Variants in KAZN observed in about 807,000 individuals in gnomAD.
The protein encoded by KAZN is kazrin, periplakin interacting protein.
In KAZN, 40 loss-of-function variants were observed where a neutral mutation model predicts 87.4. The observed-to-expected ratio is 0.46, with a 90% CI of 0.36 to 0.60. The LOEUF (loss-of-function observed/expected upper bound fraction) is 0.60. KAZN is among the 20% of genes least tolerant of loss of function. The pLI, the probability that KAZN is intolerant of heterozygous loss-of-function variation, is 0.00. For missense variants in KAZN, 898 were observed against 1,073.9 expected (o/e 0.84, Z 2.29); for synonymous variants, 466 against 458.3 (o/e 1.02, Z -0.22).
chr1:15,101,824 C>T (rs1641081952), intron 11 of KAZN, 50 bp downstream of exon 11: 1 of 1,245,852 alleles, frequency 8.0e-7, no homozygotes, highest in Non-Finnish European at 1.1e-6. Flanking sequence ...CCACCCCTCC[C>T]CTCTTGGCAT....
chr1:14,677,559 T>C (rs1640300555), intron 1 of KAZN, among the ~76,000 whole-genome samples: 1 of 152,022 alleles, frequency 6.6e-6, no homozygotes, highest in African/African-American at 2.4e-5. Context: ...AGGGGCCCAT[T>C]TTCAGACCTT....
At chr1:14,264,672 G>A (rs1012951448) in intron 2 of KAZN, among the ~76,000 whole-genome samples, 17 of 152,262 alleles carry the variant, frequency 1.1e-4, no homozygotes, top group Admixed American at 1.1e-3. Context: ...CTTCAGCACT[G>A]TGAGAAGTAA....
intron 1 of KAZN, among the ~76,000 whole-genome samples, chr1:14,054,621 C>CA (rs1642474399): frequency 6.6e-6 from 1 of 152,140 alleles, no homozygotes; most frequent in Non-Finnish European, 1.5e-5. Context: ...AAAGAGATGA[C>CA]ATAAGGACCT....
chr1:14,611,585 G>T (rs562631290), intron 1 of KAZN, among the ~76,000 whole-genome samples: 7 of 151,978 alleles, frequency 4.6e-5, no homozygotes, highest in South Asian at 2.1e-4. Flanking sequence ...TACCTGGGGG[G>T]GCTGAGGCAG....
intron 8 of KAZN, chr1:15,067,987 G>C (rs1024581409): frequency 1.3e-6 from 1 of 798,138 alleles, no homozygotes; most frequent in Non-Finnish European, 1.5e-6. Context: ...ATAATTCTAA[G>C]AGTTACTAAA....
intron 1 of KAZN, among the ~76,000 whole-genome samples, chr1:14,836,373 G>A (rs1050024642): frequency 6.6e-6 from 1 of 152,280 alleles, no homozygotes; most frequent in Non-Finnish European, 1.5e-5. Flanking sequence ...TGGGTGGGAC[G>A]AGCTCCAGCC....
intron 2 of KAZN, among the ~76,000 whole-genome samples, chr1:14,514,394 TA>T (rs1338913689): frequency 4.8e-5 from 1 of 20,836 alleles, no homozygotes; most frequent in Admixed American, 6.4e-4. Context: ...ATATTATATA[TA>T]TTTATATATA....
chr1:15,110,724 C>T (rs1641576468), intron 13 of KAZN, among the ~76,000 whole-genome samples: 2 of 152,232 alleles, frequency 1.3e-5, no homozygotes, highest in Admixed American at 6.5e-5. Flanking sequence ...ACCCTAAATC[C>T]CAAAGTGGGA....
chr1:15,056,321 G>A lies in KAZN; in HGVS notation c.916+41G>A, dbSNP rs377634144. Reference sequence around the variant, plus strand: ...GCCTGGCTCCACCACGGCTTCGAGGGGCTTCACAGGAGGCCATCTGACCCA... The same window carrying A: ...GCCTGGCTCCACCACGGCTTCGAGGAGCTTCACAGGAGGCCATCTGACCCA... On this transcript the variant is annotated intron_variant, in intron 5 of 14. Transcript: ENST00000376030. This position sits in a 1 kb window ranked among gnomAD's most constrained non-coding sequence, Gnocchi z 5.4. 5.2e-6 allele frequency: 8 copies of A among 1,547,996 alleles called. No homozygotes were observed. The highest frequency in any genetic ancestry group is 7.0e-6 in the Non-Finnish European group (8 of 1,139,342).
At chr1:14,103,534 G>A (rs967161963) in intron 1 of KAZN, among the ~76,000 whole-genome samples, 4 of 152,144 alleles carry the variant, frequency 2.6e-5, no homozygotes, top group Non-Finnish European at 5.9e-5. Flanking sequence ...CCTTTCCATG[G>A]GCACTGGATA....
chr1:14,151,150 G>T (rs1330099563), intron 1 of KAZN, among the ~76,000 whole-genome samples: 1 of 152,004 alleles, frequency 6.6e-6, no homozygotes, highest in East Asian at 1.9e-4. Flanking sequence ...CATTTATAAG[G>T]CATCCTAGAG....
intron 1 of KAZN, among the ~76,000 whole-genome samples, chr1:14,045,240 G>A (rs1394812601): frequency 2.6e-5 from 4 of 152,144 alleles, no homozygotes; most frequent in Admixed American, 2.6e-4. Flanking sequence ...TAAGTGTTGG[G>A]GTAATTTGCA....
chr1:14,388,614 A>G (rs770572897), intron 2 of KAZN, among the ~76,000 whole-genome samples: 3 of 152,228 alleles, frequency 2.0e-5, no homozygotes, highest in Admixed American at 2.0e-4. Context: ...AAGTCTCTTC[A>G]ATAAATGATG....
chr1:15,039,341 C>T (rs1193755028), intron 3 of KAZN, among the ~76,000 whole-genome samples: 1 of 152,176 alleles, frequency 6.6e-6, no homozygotes, highest in Non-Finnish European at 1.5e-5. Flanking sequence ...AGTCCCAGAG[C>T]CCCAGCCCCA....
intron 2 of KAZN, among the ~76,000 whole-genome samples, chr1:14,561,795 T>G (rs892496429): frequency 1.6e-4 from 24 of 151,904 alleles, no homozygotes; most frequent in Non-Finnish European, 3.2e-4. Context: ...TCCCAGCTAC[T>G]TGGGAGGCTG....
chr1:14,848,815 G>T (rs989514442), intron 1 of KAZN, among the ~76,000 whole-genome samples: 1 of 152,182 alleles, frequency 6.6e-6, no homozygotes, highest in Non-Finnish European at 1.5e-5. Context: ...CCTCTTCCTC[G>T]GGCTGCACCA....
intron 1 of KAZN, among the ~76,000 whole-genome samples, chr1:13,984,719 T>A (rs1410903565): frequency 2.0e-5 from 3 of 152,240 alleles, no homozygotes; most frequent in Non-Finnish European, 4.4e-5. Flanking sequence ...CTTATTTATA[T>A]GTTCAGTGAT....
At chr1:14,215,843 G>T (rs1646946579) in intron 2 of KAZN, among the ~76,000 whole-genome samples, 1 of 152,152 alleles carries the variant, frequency 6.6e-6, no homozygotes. Flanking sequence ...AACTAGAGAT[G>T]AACTGAGAGG....
chr1:14,631,213 G>A (rs1434962964), intron 1 of KAZN, among the ~76,000 whole-genome samples: 1 of 152,144 alleles, frequency 6.6e-6, no homozygotes, highest in African/African-American at 2.4e-5. Flanking sequence ...CCTCTGCGCT[G>A]GGATCTAAGA....
Sources: allele counts gnomAD v4.1 joint callset (sites outside exome capture counted in the v4.1 genomes callset), GRCh38; gene constraint gnomAD v4.1.1; non-coding constraint Gnocchi (gnomAD v3.1); transcripts MANE v1.5; gene names NCBI Gene and HGNC (gene_info 2026-07-23, HGNC 2026-07-21).